Variants in ARB2A observed in about 807,000 individuals in gnomAD.
ARB2A encodes cotranscriptional regulator ARB2A.
the ARB2A span, chr5:93,964,337 C>T: frequency 1.5e-6 from 1 of 656,228 alleles, no homozygotes; most frequent in East Asian, 2.9e-5. Context: ...ACACAATAAA[C>T]CCTAACATTT....
chr5:93,947,131 G>C, the ARB2A span, among the ~76,000 whole-genome samples: 1 of 152,056 alleles, frequency 6.6e-6, no homozygotes, highest in Non-Finnish European at 1.5e-5. Flanking sequence ...CATATAATCT[G>C]TAGTTTCTGA....
the ARB2A span, among the ~76,000 whole-genome samples, chr5:93,641,443 A>C: frequency 6.6e-6 from 1 of 152,188 alleles, no homozygotes; most frequent in African/African-American, 2.4e-5. Context: ...TCCACTTATA[A>C]GATTAATATG....
At chr5:93,798,169 T>G in the ARB2A span, among the ~76,000 whole-genome samples, 1 of 152,070 alleles carries the variant, frequency 6.6e-6, no homozygotes, top group Non-Finnish European at 1.5e-5. Flanking sequence ...CCCACTTCCA[T>G]AAGAACCCAA....
chr5:93,842,998 C>T, the ARB2A span, among the ~76,000 whole-genome samples: 1 of 152,186 alleles, frequency 6.6e-6, no homozygotes, highest in African/African-American at 2.4e-5. Context: ...TTCTAAACTT[C>T]CCCACTGTTG....
chr5:93,652,310 T>C, the ARB2A span, among the ~76,000 whole-genome samples: 1 of 152,142 alleles, frequency 6.6e-6, no homozygotes, highest in Non-Finnish European at 1.5e-5. Flanking sequence ...GAAGTTGAAA[T>C]GCTTACATTG....
the ARB2A span, among the ~76,000 whole-genome samples, chr5:93,778,133 T>A: frequency 3.3e-5 from 5 of 152,228 alleles, no homozygotes; most frequent in Admixed American, 1.3e-4. Flanking sequence ...TTACAAAAGC[T>A]TGATGGTTTA....
chr5:93,769,506 C>T, the ARB2A span, among the ~76,000 whole-genome samples: 3 of 152,116 alleles, frequency 2.0e-5, no homozygotes, highest in Non-Finnish European at 2.9e-5. Flanking sequence ...TCTTTTTCAA[C>T]ATTTTTTATG....
chr5:93,887,345 AAAAG>A, the ARB2A span, among the ~76,000 whole-genome samples: 8 of 151,788 alleles, frequency 5.3e-5, no homozygotes, highest in Non-Finnish European at 2.9e-5. Flanking sequence ...AATAGAAGAG[AAAAG>A]AAATACACTG....
chr5:93,768,047 C>G, the ARB2A span, among the ~76,000 whole-genome samples: 27,057 of 146,052 alleles, frequency 0.19, 2,878 homozygotes, highest in Middle Eastern at 0.28. Context: ...AGCATTTGCA[C>G]CAACCTGGAT....
the ARB2A span, among the ~76,000 whole-genome samples, chr5:94,083,956 A>T: frequency 6.6e-6 from 1 of 152,152 alleles, no homozygotes; most frequent in Non-Finnish European, 1.5e-5. Flanking sequence ...TATAAAGCAC[A>T]GTTTTTTAAT....
At chr5:93,833,949 A>G in the ARB2A span, among the ~76,000 whole-genome samples, 1 of 152,224 alleles carries the variant, frequency 6.6e-6, no homozygotes, top group East Asian at 1.9e-4. Flanking sequence ...TAGTGAGTGT[A>G]GTATTCAACA....
chr5:93,683,530 C>T, the ARB2A span: 17 of 1,522,224 alleles, frequency 1.1e-5, no homozygotes, highest in Middle Eastern at 2.3e-4. Flanking sequence ...AATTCATGGC[C>T]TCTGCTTCAA....
the ARB2A span, among the ~76,000 whole-genome samples, chr5:93,866,688 A>T: frequency 6.6e-6 from 1 of 152,200 alleles, no homozygotes; most frequent in Non-Finnish European, 1.5e-5. Context: ...GACCAACTGT[A>T]AGACTTCCAT....
At chr5:93,741,519 G>A in the ARB2A span, 6 of 1,607,010 alleles carry the variant, frequency 3.7e-6, no homozygotes, top group East Asian at 8.9e-5. Flanking sequence ...CCCCACCACT[G>A]CCTGGAAGGG....
chr5:93,826,056 A>G, the ARB2A span, among the ~76,000 whole-genome samples: 1 of 152,274 alleles, frequency 6.6e-6, no homozygotes, highest in East Asian at 1.9e-4. Context: ...AAATAAATGT[A>G]TGTCACTTAA....
chr5:94,106,052 C>T, the ARB2A span, among the ~76,000 whole-genome samples: 1 of 151,944 alleles, frequency 6.6e-6, no homozygotes, highest in East Asian at 1.9e-4. Flanking sequence ...CTAGGCAATA[C>T]CATTCTGAAT....
the ARB2A span, among the ~76,000 whole-genome samples, chr5:94,064,248 A>G: frequency 1.3e-5 from 2 of 152,184 alleles, no homozygotes; most frequent in Non-Finnish European, 2.9e-5. Context: ...TAGATCAAGC[A>G]GACCAATGCA....
At chr5:93,873,266 T>A in the ARB2A span, among the ~76,000 whole-genome samples, 17 of 141,624 alleles carry the variant, frequency 1.2e-4, no homozygotes, top group Non-Finnish European at 7.5e-5. Context: ...CATTCTAGCC[T>A]GCGTGACAGA....
chr5:93,894,232 C>T, the ARB2A span, among the ~76,000 whole-genome samples: 1 of 152,030 alleles, frequency 6.6e-6, no homozygotes, highest in Non-Finnish European at 1.5e-5. Flanking sequence ...CAATTACAAA[C>T]ATAATTTACT....
Sources: gnomAD v4.1 joint callset for allele counts (sites outside exome capture counted in the v4.1 genomes callset) on GRCh38, gnomAD v4.1.1 for gene constraint, MANE v1.5 for transcripts, NCBI Gene and HGNC (gene_info 2026-07-23, HGNC 2026-07-21) for gene names.